PIRT: variants seen among roughly 807,000 people sequenced by gnomAD.
PIRT encodes phosphoinositide interacting regulator of transient receptor potential channels, also known as phosphoinositide-interacting protein.
A neutral mutation model predicts 7.9 loss-of-function variants in PIRT; 6 were observed. The observed-to-expected ratio is 0.76, with a 90% CI of 0.42 to 1.51. The LOEUF (loss-of-function observed/expected upper bound fraction) is 1.51. PIRT is among the 40% of genes most tolerant of loss of function. PIRT has a pLI of 0.01. For missense variants in PIRT, 170 were observed against 172.9 expected (o/e 0.98, Z 0.09); for synonymous variants, 78 against 71.8 (o/e 1.09, Z -0.44).
Position 10,829,521 on chromosome 17 carries a change from G to A in PIRT, c.-138-3738C>T, listed in dbSNP as rs545814967. 1.1e-4 allele frequency among the ~76,000 whole-genome samples: 16 copies of A among 152,284 alleles called. No homozygotes were observed. In the East Asian group the frequency reaches 3.1e-3, roughly 29 times the overall value. ...TAGGGGCAGAGACTGAGGCCCAGTG[G>A]GGTTTAGGAGCTTGGCGAACTATAC... On this transcript the variant is annotated intron_variant, in intron 1 of 1. Coordinates refer to ENST00000580256, the MANE Select transcript of PIRT (RefSeq NM_001101387.2).
At chr17:10,826,266 C>A (rs1905311981) in intron 1 of PIRT, among the ~76,000 whole-genome samples, 1 of 152,170 alleles carries the variant, frequency 6.6e-6, no homozygotes, top group Admixed American at 6.5e-5. Flanking sequence ...ACCCGGCCAG[C>A]TATATTTTGT....
chr17:10,828,244 C>G (rs1905380841), intron 1 of PIRT, among the ~76,000 whole-genome samples: 2 of 152,172 alleles, frequency 1.3e-5, no homozygotes, highest in Non-Finnish European at 2.9e-5. Flanking sequence ...CCCGAGTCCT[C>G]AAGCTCTCTG....
At chr17:10,837,593 A>G (rs770792431) in intron 1 of PIRT, among the ~76,000 whole-genome samples, 1 of 152,104 alleles carries the variant, frequency 6.6e-6, no homozygotes, top group Non-Finnish European at 1.5e-5. Context: ...TAGATTTGGG[A>G]GGAGAGTCCC....
chr17:10,832,035 C>T (rs575545529), intron 1 of PIRT, among the ~76,000 whole-genome samples: 9 of 152,286 alleles, frequency 5.9e-5, no homozygotes, highest in Non-Finnish European at 1.0e-4. Flanking sequence ...TATACAGCAA[C>T]GAGAAGCCAG....
At chr17:10,829,270 G>A (rs1761775882) in intron 1 of PIRT, among the ~76,000 whole-genome samples, 1 of 152,234 alleles carries the variant, frequency 6.6e-6, no homozygotes, top group Non-Finnish European at 1.5e-5. Context: ...GTGATTCTCA[G>A]TGGTGCCAGA....
intron 1 of PIRT, among the ~76,000 whole-genome samples, chr17:10,827,465 C>CTTTCTTTTTTTTTTTT (rs1905353813): frequency 1.8e-5 from 1 of 56,292 alleles, no homozygotes; most frequent in African/African-American, 7.5e-5. Flanking sequence ...TTTTTCTTTT[C>CTTTCTTTTTTTTTTTT]TTTTTTTTTT....
chr17:10,834,545 T>G (rs993034702), intron 1 of PIRT, among the ~76,000 whole-genome samples: 5 of 152,154 alleles, frequency 3.3e-5, no homozygotes, highest in African/African-American at 9.7e-5. Flanking sequence ...GGGGTTTGCA[T>G]GAGGGACCCA....
chr17:10,827,151 C>T (rs1391307180), intron 1 of PIRT, among the ~76,000 whole-genome samples: 1 of 152,286 alleles, frequency 6.6e-6, no homozygotes, highest in East Asian at 1.9e-4. Context: ...GCCACCCTTC[C>T]CTACCCTCCA....
chr17:10,830,162 G>A (rs1016470545), intron 1 of PIRT, among the ~76,000 whole-genome samples: 1 of 152,152 alleles, frequency 6.6e-6, no homozygotes, highest in Admixed American at 6.5e-5. Flanking sequence ...CCCCTGAGCA[G>A]AGGGAATGCC....
At chr17:10,830,124 C>T (rs1291265291) in intron 1 of PIRT, among the ~76,000 whole-genome samples, 1 of 152,148 alleles carries the variant, frequency 6.6e-6, no homozygotes, top group Non-Finnish European at 1.5e-5. Flanking sequence ...CACTTCTAGG[C>T]AATGACTGAA....
intron 1 of PIRT, among the ~76,000 whole-genome samples, chr17:10,832,576 G>A (rs745927033): frequency 5.5e-4 from 83 of 152,194 alleles, no homozygotes; most frequent in Middle Eastern, 3.2e-3. Flanking sequence ...GTTTTTGTGT[G>A]TGTGCAATCT....
intron 1 of PIRT, among the ~76,000 whole-genome samples, chr17:10,834,888 C>T (rs186822109): frequency 5.4e-5 from 8 of 147,354 alleles, no homozygotes; most frequent in South Asian, 4.3e-4. Flanking sequence ...CTGCGCCCAG[C>T]GTTGTTTGTT....
chr17:10,836,967 T>A (rs1905606221), intron 1 of PIRT, among the ~76,000 whole-genome samples: 1 of 152,152 alleles, frequency 6.6e-6, no homozygotes, highest in Non-Finnish European at 1.5e-5. Context: ...GGCGGTGCTG[T>A]CTTCCCCTCA....
chr17:10,835,033 A>G (rs1905554515), intron 1 of PIRT, among the ~76,000 whole-genome samples: 1 of 152,008 alleles, frequency 6.6e-6, no homozygotes, highest in African/African-American at 2.4e-5. Context: ...GGATGGAAGT[A>G]GCTCACAAGG....
At position 10,837,963 on chromosome 17, in the gene PIRT, G is replaced by A. The variant is rs1321250264; in HGVS notation, c.-157C>T. ...TACTTACTGTCCTCGATGTCCCAGG[G>A]GAGGATGGGGGACCTGGGAATCACT... is the stretch of plus-strand genomic sequence containing the variant. On this transcript the variant is annotated 5_prime_UTR_variant, in exon 1 of 2. Coordinates refer to ENST00000580256, the MANE Select transcript of PIRT (RefSeq NM_001101387.2). 2 of 152,290 alleles carry A rather than the reference G, an allele frequency of 1.3e-5. No homozygotes were observed. Among genetic ancestry groups the A allele is most frequent in the Non-Finnish European group, 2.9e-5 (2 of 68,070 alleles). The allele number at this position is 152,290 out of a possible 1,614,324, so 9.4% of individuals were successfully genotyped here.
intron 1 of PIRT, among the ~76,000 whole-genome samples, chr17:10,826,722 T>A (rs1351006220): frequency 1.3e-5 from 2 of 152,252 alleles, no homozygotes; most frequent in East Asian, 3.9e-4. Context: ...CCTACCAGGC[T>A]ATGCGTAGTC....
intron 1 of PIRT, among the ~76,000 whole-genome samples, chr17:10,836,125 A>G (rs1157368524): frequency 6.6e-6 from 1 of 151,850 alleles, no homozygotes; most frequent in African/African-American, 2.4e-5. Context: ...CTGGCCTCGA[A>G]CTCCTGACCT....
chr17:10,825,682 T>G lies in PIRT; in HGVS notation c.-37A>C. ...ACTGGGCGCCTAGGACCAGCAATAG[T>G]TGGAAACAAGAGTGGAGCCAAAGGA... On this transcript the variant is annotated 5_prime_UTR_variant, in exon 2 of 2. Transcript: ENST00000580256. The G allele has an allele frequency of 6.9e-7, 1 of 1,449,420 alleles. No individual in the cohort carries two copies. Among genetic ancestry groups the G allele is most frequent in the Non-Finnish European group, 9.1e-7 (1 of 1,098,976 alleles). The allele number at this position is 1,449,420 out of a possible 1,614,324, so 89.8% of individuals were successfully genotyped here.
chr17:10,824,438 G>A lies in PIRT; in HGVS notation c.*794C>T, dbSNP rs1905268583. On this transcript the variant is annotated 3_prime_UTR_variant, in exon 2 of 2. Coordinates refer to ENST00000580256, the MANE Select transcript of PIRT (RefSeq NM_001101387.2). ...TCTAGATGCAGAGATAGAGGCAGGG[G>A]TAGGAAAGAAATTAGGGCAACATGC... 6.6e-6 allele frequency: 1 copy of A among 152,226 alleles called. No homozygotes were observed. The highest frequency in any genetic ancestry group is 6.5e-5 in the Admixed American group (1 of 15,288). The allele number at this position is 152,226 out of a possible 1,614,324, so 9.4% of individuals were successfully genotyped here.
Sources: gnomAD v4.1 joint callset for allele counts (sites outside exome capture counted in the v4.1 genomes callset) on GRCh38, gnomAD v4.1.1 for gene constraint, MANE v1.5 for transcripts, NCBI Gene and HGNC (gene_info 2026-07-23, HGNC 2026-07-21) for gene names.